COG5: variants seen among roughly 807,000 people sequenced by gnomAD.
COG5 encodes component of oligomeric golgi complex 5, also known as conserved oligomeric Golgi complex subunit 5.
In COG5, 86 loss-of-function variants were observed where a neutral mutation model predicts 110.4. That is an observed-to-expected ratio of 0.78 (90% CI 0.65 to 0.93). The LOEUF (loss-of-function observed/expected upper bound fraction) is 0.93, where lower values mean the gene tolerates loss of function less well. COG5 is among the 40% of genes least tolerant of loss of function. The pLI is 0.00. For missense variants in COG5, 1,077 were observed against 987.0 expected, an observed-to-expected ratio of 1.09 and a Z score of -1.22; for synonymous variants, 360 against 334.6, an observed-to-expected ratio of 1.08 and a Z score of -0.83.
chr7:107,546,919 T>C (rs1416925616), intron 5 of COG5, among the ~76,000 whole-genome samples: 1 of 152,190 alleles, frequency 6.6e-6, no homozygotes, highest in African/African-American at 2.4e-5. Flanking sequence ...CAGGACTTGA[T>C]GGCTTTACTG....
chr7:107,326,081 A>G (rs1302927964), intron 10 of COG5, among the ~76,000 whole-genome samples: 2 of 152,238 alleles, frequency 1.3e-5, no homozygotes, highest in Admixed American at 6.5e-5. Context: ...TTAATGCAGA[A>G]AAAGCATTAA....
At chr7:107,469,469 T>G (rs140500039) in intron 6 of COG5, among the ~76,000 whole-genome samples, 7 of 152,244 alleles carry the variant, frequency 4.6e-5, no homozygotes, top group African/African-American at 1.7e-4. Context: ...GTCAATCTGA[T>G]TATTATTTTG....
intron 6 of COG5, among the ~76,000 whole-genome samples, chr7:107,482,293 C>T (rs888871632): frequency 6.6e-6 from 1 of 151,710 alleles, no homozygotes; most frequent in African/African-American, 2.4e-5. Context: ...CAGGCAGGCA[C>T]CACCATACCC....
At chr7:107,322,634 C>A (rs887901546) in intron 11 of COG5, among the ~76,000 whole-genome samples, 1 of 152,038 alleles carries the variant, frequency 6.6e-6, no homozygotes, top group African/African-American at 2.4e-5. Context: ...GATGGAAATG[C>A]AAAATGGTAT....
intron 6 of COG5, among the ~76,000 whole-genome samples, chr7:107,415,948 G>A (rs112449140): frequency 0.092 from 4,792 of 52,332 alleles, 1,315 homozygotes; most frequent in African/African-American, 0.4. Flanking sequence ...ACGTATGTAT[G>A]TATGTGTGTG....
At chr7:107,511,134 T>A (rs9656137) in intron 6 of COG5, among the ~76,000 whole-genome samples, 1 of 143,872 alleles carries the variant, frequency 7.0e-6, no homozygotes, top group African/African-American at 2.5e-5. Context: ...TCAACAAAAC[T>A]GATAGACTGC....
intron 17 of COG5, among the ~76,000 whole-genome samples, chr7:107,247,493 A>G (rs373325180): frequency 1.3e-5 from 2 of 152,216 alleles, no homozygotes; most frequent in Non-Finnish European, 2.9e-5. Flanking sequence ...CATAAAACAG[A>G]TATTCTTTAA....
At chr7:107,410,286 C>T (rs17429825) in intron 7 of COG5, among the ~76,000 whole-genome samples, 23,678 of 152,084 alleles carry the variant, frequency 0.16, 2,271 homozygotes, top group Non-Finnish European at 0.21. Flanking sequence ...TGAGAATCAT[C>T]AGTTAGGTGA....
chr7:107,475,893 C>T (rs183945640), intron 6 of COG5, among the ~76,000 whole-genome samples: 4 of 151,142 alleles, frequency 2.6e-5, no homozygotes, highest in Admixed American at 6.6e-5. Context: ...TAATTAAGTA[C>T]GTATGAAGCT....
intron 6 of COG5, among the ~76,000 whole-genome samples, chr7:107,416,638 A>G (rs4730240): frequency 3.3e-5 from 5 of 152,202 alleles, no homozygotes; most frequent in Admixed American, 3.3e-4. Flanking sequence ...CACAGAGTAT[A>G]GCATTTTTAG....
chr7:107,367,831 T>C (rs890807751), intron 8 of COG5, among the ~76,000 whole-genome samples: 1 of 151,952 alleles, frequency 6.6e-6, no homozygotes, highest in Non-Finnish European at 1.5e-5. Flanking sequence ...ATTAGTACAA[T>C]GTACATGACT....
At chr7:107,323,780 G>A (rs1424372265) in intron 11 of COG5, among the ~76,000 whole-genome samples, 4 of 152,110 alleles carry the variant, frequency 2.6e-5, no homozygotes, top group Non-Finnish European at 5.9e-5. Flanking sequence ...GTAAATGCTT[G>A]TGAATAAAAA....
At chr7:107,247,235 G>A (rs12537374) in intron 17 of COG5, among the ~76,000 whole-genome samples, 25,241 of 152,076 alleles carry the variant, frequency 0.17, 2,402 homozygotes, top group Non-Finnish European at 0.22. Context: ...GAGGGTGGGA[G>A]GAGGGAGAGG....
At chr7:107,280,531 C>T (rs6966616) in intron 14 of COG5, among the ~76,000 whole-genome samples, 95,185 of 151,818 alleles carry the variant, frequency 0.63, 32,036 homozygotes, top group African/African-American at 0.89. Context: ...AAACTGAAAA[C>T]GTAGTTAGCT....
chr7:107,312,729 T>A (rs963196738), intron 11 of COG5, among the ~76,000 whole-genome samples: 2 of 152,156 alleles, frequency 1.3e-5, no homozygotes, highest in Admixed American at 6.5e-5. Context: ...ATATTCGAAT[T>A]GCATTTTGAG....
At chr7:107,410,885 C>T (rs77451746) in intron 7 of COG5, among the ~76,000 whole-genome samples, 4,150 of 152,112 alleles carry the variant, frequency 0.027, 206 homozygotes, top group African/African-American at 0.091. Context: ...CAATATTCAA[C>T]GTTGATAAGG....
At chr7:107,332,199 T>A (rs937986834) in intron 10 of COG5, among the ~76,000 whole-genome samples, 7 of 152,124 alleles carry the variant, frequency 4.6e-5, no homozygotes, top group African/African-American at 1.7e-4. Flanking sequence ...TTAAGTGTTA[T>A]CAGCATTTAG....
At position 107,210,472 on chromosome 7, in the gene COG5, C is replaced by T. The variant is rs1033284772; in HGVS notation, c.2375+54G>A. On this transcript the variant is annotated intron_variant, in intron 21 of 21. Transcript: ENST00000297135. ...GCTCCTTCATCCTCTCTTGCATCCC[C>T]ACCCTCCTTGGGCTTCCAGACCAGA... The T allele has an allele frequency of 5.1e-6, 8 of 1,557,990 alleles. No homozygotes were observed. In the African/African-American group the frequency reaches 9.5e-5, roughly 18 times the overall value.
intron 14 of COG5, among the ~76,000 whole-genome samples, chr7:107,265,512 G>T (rs1467627170): frequency 1.3e-5 from 2 of 152,116 alleles, no homozygotes; most frequent in African/African-American, 4.8e-5. Context: ...TTGGGCTCAA[G>T]AAGTCACCTT....
Sources: allele counts gnomAD v4.1 joint callset (sites outside exome capture counted in the v4.1 genomes callset), GRCh38; gene constraint gnomAD v4.1.1; transcripts MANE v1.5; gene names NCBI Gene and HGNC (gene_info 2026-07-23, HGNC 2026-07-21).